Variants in CRYL1 observed in about 807,000 individuals in gnomAD.
CRYL1 encodes lambda-crystallin homolog.
In CRYL1, 29 loss-of-function variants were observed where a neutral mutation model predicts 36.6. The ratio of observed to expected loss-of-function variants is 0.79; its 90% confidence interval spans 0.59 to 1.08. The LOEUF is 1.08. Among genes scored for constraint, CRYL1 ranks in the 50% least tolerant of loss-of-function variants. The pLI is 0.00. For missense variants in CRYL1, 411 were observed against 407.9 expected (o/e 1.01, Z -0.06); for synonymous variants, 152 against 151.5 (o/e 1.00, Z -0.02).
intron 2 of CRYL1, 111 bp downstream of exon 2, chr13:20,512,332 G>T: frequency 1.3e-6 from 1 of 761,150 alleles, no homozygotes; most frequent in South Asian, 1.7e-5. Context: ...GTAGCCATCA[G>T]ACGAAAATGT....
intron 2 of CRYL1, among the ~76,000 whole-genome samples, chr13:20,492,095 G>A (rs948422929): frequency 3.3e-5 from 5 of 152,160 alleles, no homozygotes; most frequent in Non-Finnish European, 5.9e-5. Context: ...AGGGTCCTGC[G>A]ATTCAGCATC....
intron 3 of CRYL1, among the ~76,000 whole-genome samples, chr13:20,476,401 T>C (rs2033168508): frequency 6.6e-6 from 1 of 150,676 alleles, no homozygotes; most frequent in Non-Finnish European, 1.5e-5. Context: ...AGGTCTCTGC[T>C]GGGCAGCAGG....
At chr13:20,506,355 G>C (rs999452257) in intron 2 of CRYL1, among the ~76,000 whole-genome samples, 1 of 152,154 alleles carries the variant, frequency 6.6e-6, no homozygotes, top group African/African-American at 2.4e-5. Flanking sequence ...TAAGAATTCA[G>C]TACATTTGCT....
chr13:20,457,822 C>T (rs1423324964), intron 3 of CRYL1, among the ~76,000 whole-genome samples: 2 of 152,178 alleles, frequency 1.3e-5, no homozygotes. Flanking sequence ...AACTTTCACT[C>T]ACTCACAAGA....
intron 2 of CRYL1, among the ~76,000 whole-genome samples, chr13:20,507,882 C>T (rs985100553): frequency 6.7e-6 from 1 of 150,322 alleles, no homozygotes; most frequent in African/African-American, 2.5e-5. Flanking sequence ...CGAGCCACTG[C>T]ACTCCAGCCT....
chr13:20,489,283 T>C, intron 3 of CRYL1, 87 bp downstream of exon 3: 2 of 1,524,392 alleles, frequency 1.3e-6, no homozygotes, highest in Non-Finnish European at 1.8e-6. Flanking sequence ...CACCTGCCAC[T>C]GCTCTGTATC....
chr13:20,503,292 A>G (rs931603996), intron 2 of CRYL1, among the ~76,000 whole-genome samples: 3 of 152,240 alleles, frequency 2.0e-5, no homozygotes, highest in Non-Finnish European at 4.4e-5. Flanking sequence ...AGCCACTGCC[A>G]TGAACTTTGG....
chr13:20,458,421 C>G (rs1040146790), intron 3 of CRYL1, among the ~76,000 whole-genome samples: 6 of 152,172 alleles, frequency 3.9e-5, no homozygotes, highest in African/African-American at 1.4e-4. Flanking sequence ...AGCCGTGGAC[C>G]CTTTGAAATC....
At position 20,435,313 on chromosome 13, in the gene CRYL1, G is replaced by C. The variant is rs2032184511; in HGVS notation, c.439-3017C>G. Among the ~76,000 whole-genome samples the C allele has an allele frequency of 6.6e-6, 1 of 152,170 alleles. No individual in the cohort carries two copies. The highest frequency in any genetic ancestry group is 2.4e-5 in the African/African-American group (1 of 41,444). ...GAAAAATCTTGAAGGGCTGCCCAGC[G>C]CCCACTGTACAAGGCACACGGCTGA... On this transcript the variant is annotated intron_variant, in intron 4 of 7. Transcript: ENST00000298248. This position sits in a 1 kb window ranked among gnomAD's most constrained non-coding sequence, Gnocchi z 4.0.
At chr13:20,472,272 T>C (rs2033076559) in intron 3 of CRYL1, among the ~76,000 whole-genome samples, 2 of 152,220 alleles carry the variant, frequency 1.3e-5, no homozygotes. Flanking sequence ...ACAGTGTAAA[T>C]GCTATGTATA....
At chr13:20,508,841 G>C (rs189647697) in intron 2 of CRYL1, among the ~76,000 whole-genome samples, 1 of 104,486 alleles carries the variant, frequency 9.6e-6, no homozygotes, top group Non-Finnish European at 1.8e-5. Flanking sequence ...GTGGCAGAGC[G>C]AGACTCCAAA....
chr13:20,504,682 A>G (rs1427173020), intron 2 of CRYL1, among the ~76,000 whole-genome samples: 2 of 152,300 alleles, frequency 1.3e-5, no homozygotes, highest in Non-Finnish European at 2.9e-5. Flanking sequence ...ACAAAGCAGT[A>G]AAGTATCTGC....
At chr13:20,418,374 G>A (rs2031722975) in intron 5 of CRYL1, 1 of 152,172 alleles carries the variant, frequency 6.6e-6, no homozygotes, top group Admixed American at 6.5e-5. Context: ...ATAGCAAAGG[G>A]TTAACAGATG....
intron 5 of CRYL1, among the ~76,000 whole-genome samples, chr13:20,427,641 G>A (rs542556548): frequency 3.4e-5 from 5 of 148,662 alleles, no homozygotes; most frequent in Non-Finnish European, 4.5e-5. Context: ...TTTAATGCTC[G>A]GCTGCAGGTG....
chr13:20,507,414 T>A (rs915228184), intron 2 of CRYL1, among the ~76,000 whole-genome samples: 31 of 152,140 alleles, frequency 2.0e-4, no homozygotes, highest in Admixed American at 2.0e-4. Flanking sequence ...GCCTACAATA[T>A]TTACTATCTG....
intron 6 of CRYL1, among the ~76,000 whole-genome samples, chr13:20,407,623 T>G (rs954482146): frequency 6.6e-6 from 1 of 152,210 alleles, no homozygotes; most frequent in Non-Finnish European, 1.5e-5. Flanking sequence ...CCCTGTATTT[T>G]TTCTTCTGTG....
chr13:20,445,598 CAAAT>C (rs915235312), intron 3 of CRYL1, among the ~76,000 whole-genome samples: 2 of 152,026 alleles, frequency 1.3e-5, no homozygotes, highest in African/African-American at 4.8e-5. Flanking sequence ...CATACTCAAA[CAAAT>C]AGACAATATT....
intron 2 of CRYL1, 24 bp from the exon 3 acceptor site, chr13:20,489,520 AC>A (rs755077834): frequency 1.2e-6 from 2 of 1,611,060 alleles, no homozygotes; most frequent in Non-Finnish European, 1.7e-6. Context: ...GAGAAGGATC[AC>A]TGTGAGTATT....
At chr13:20,508,848 CAAAA>C (rs1179533995) in intron 2 of CRYL1, among the ~76,000 whole-genome samples, 1 of 10,448 alleles carries the variant, frequency 9.6e-5, no homozygotes, top group Non-Finnish European at 1.7e-4. Context: ...AGCGAGACTC[CAAAA>C]AAAAAAAAAA....
Sources: gnomAD v4.1 joint callset for allele counts (sites outside exome capture counted in the v4.1 genomes callset) on GRCh38, gnomAD v4.1.1 for gene constraint, Gnocchi (gnomAD v3.1) non-coding constraint, MANE v1.5 for transcripts, NCBI Gene and HGNC (gene_info 2026-07-23, HGNC 2026-07-21) for gene names.